The following GOLGA4 variants were observed in gnomAD, a reference collection of about 807,000 sequenced individuals.
The protein encoded by GOLGA4 is golgin subfamily A member 4.
Under a neutral mutation model 265.9 loss-of-function variants are expected in GOLGA4, and 169 were observed. The observed-to-expected ratio is 0.64, with a 90% CI of 0.56 to 0.72. The LOEUF (loss-of-function observed/expected upper bound fraction) is 0.72, where lower values mean the gene tolerates loss of function less well. Among genes scored for constraint, GOLGA4 ranks in the 30% least tolerant of loss-of-function variants. The pLI is 0.00. For missense variants in GOLGA4, 2,482 were observed against 2,483.4 expected (o/e 1.00, Z 0.01); for synonymous variants, 923 against 855.8 (o/e 1.08, Z -1.37).
chr3:37,245,856 G>A (rs1160748781), intron 1 of GOLGA4, among the ~76,000 whole-genome samples: 1 of 152,028 alleles, frequency 6.6e-6, no homozygotes, highest in Admixed American at 6.5e-5. Context: ...GAGCCACTGC[G>A]CCTGGCCATT....
chr3:37,315,730 G>A, intron 11 of GOLGA4, 132 bp downstream of exon 11: 1 of 797,124 alleles, frequency 1.3e-6, no homozygotes, highest in Non-Finnish European at 2.0e-6. Context: ...TATTCAGGTT[G>A]TAAAATTTTT....
chr3:37,286,215 G>A (rs1256539568), intron 4 of GOLGA4, among the ~76,000 whole-genome samples, 154 bp downstream of exon 4: 1 of 136,814 alleles, frequency 7.3e-6, no homozygotes. Flanking sequence ...CTGCAGTGGC[G>A]CAATCTCGGC....
chr3:37,353,357 CA>C (rs1385468338), intron 21 of GOLGA4, among the ~76,000 whole-genome samples: 1 of 152,024 alleles, frequency 6.6e-6, no homozygotes, highest in Admixed American at 6.6e-5. Flanking sequence ...AGCCAAAAAC[CA>C]AGAAACAGTT....
At chr3:37,243,802 C>T in intron 1 of GOLGA4, 180 bp downstream of exon 1, 1 of 592,528 alleles carries the variant, frequency 1.7e-6, no homozygotes. Flanking sequence ...AACTCCTGAC[C>T]TGGATTTTCC....
In GOLGA4 at chr3:37,319,178, A is replaced by G. The variant is rs372045264; in HGVS notation, c.1529A>G (p.Gln510Arg). 84 of 1,608,968 alleles carry G rather than the reference A, an allele frequency of 5.2e-5. No individual in the cohort carries two copies. The highest frequency in any genetic ancestry group is 6.8e-5 in the Non-Finnish European group (80 of 1,177,854). ...LQTREREFQEQMKVALEKSQS... is the reference protein window; with the variant it reads ...LQTREREFQERMKVALEKSQS... Reference sequence around the variant, plus strand: ...ACCCGAGAAAGGGAATTTCAGGAACAAATGAAAGTAGCTCTTGTAAGTGAC... The same window carrying G: ...ACCCGAGAAAGGGAATTTCAGGAACGAATGAAAGTAGCTCTTGTAAGTGAC... The change falls in exon 12 of 24, where the codon CAA becomes CGA. Residue 510 changes from glutamine (Q) to arginine (R), a missense_variant. This residue lies in a region of GOLGA4 where 1,536 missense variants were observed against 1,483.7 expected (regional missense o/e 1.04). Coordinates refer to ENST00000361924, the MANE Select transcript of GOLGA4 (RefSeq NM_002078.5).
At chr3:37,283,641 C>T (rs1014474040) in intron 3 of GOLGA4, among the ~76,000 whole-genome samples, 1 of 152,112 alleles carries the variant, frequency 6.6e-6, no homozygotes, top group African/African-American at 2.4e-5. Context: ...GCCTCAGCCC[C>T]AGCTCCCTCA....
chr3:37,317,011 C>G (rs1430929049), intron 11 of GOLGA4, among the ~76,000 whole-genome samples: 1 of 151,988 alleles, frequency 6.6e-6, no homozygotes, highest in Non-Finnish European at 1.5e-5. Context: ...GGAGATTGTT[C>G]CTTAGCCATT....
At chr3:37,335,492 C>G (rs1381051309) in intron 17 of GOLGA4, among the ~76,000 whole-genome samples, 3 of 152,084 alleles carry the variant, frequency 2.0e-5, no homozygotes, top group African/African-American at 7.2e-5. Flanking sequence ...AACCCTGGAG[C>G]ATAGCTAAAA....
chr3:37,325,768 G>T lies in GOLGA4; in HGVS notation c.3882G>T (p.Gln1294His), dbSNP rs1419865415. The T allele has an allele frequency of 6.2e-7, 1 of 1,613,398 alleles. No individual in the cohort carries two copies. The highest frequency in any genetic ancestry group is 8.5e-7 in the Non-Finnish European group (1 of 1,179,558). Residue 1294 changes from glutamine to histidine, a missense_variant, in exon 14 of 24, where the codon CAG becomes CAT. By Grantham distance (24) the Gln-to-His change is conservative. Around this residue, in one of 3 missense-constraint regions of GOLGA4, gnomAD observed 1,536 missense variants for 1,483.7 expected, o/e 1.04. Coordinates refer to ENST00000361924, the MANE Select transcript of GOLGA4 (RefSeq NM_002078.5). ...EQNTLNISFQ[Q>H]ATHQLEEKEN... ...ATACACTAAATATTTCTTTTCAACA[G>T]GCTACTCATCAGTTAGAAGAAAAAG...
In GOLGA4 at chr3:37,327,835, A is replaced by C. The variant is rs373080758; in HGVS notation, c.5939+10A>C. 14 of 1,579,758 alleles carry C rather than the reference A, an allele frequency of 8.9e-6. No homozygotes were observed. The South Asian group carries it at 1.1e-4, about 13-fold the overall frequency. On this transcript the variant is annotated intron_variant, in intron 14 of 23. Coordinates refer to ENST00000361924, the MANE Select transcript of GOLGA4 (RefSeq NM_002078.5). ...GGGAAGAGAAAATCAAGTAAGTTTT[A>C]TTTCAGCTTGAATATTTTTATGGCA... is the stretch of plus-strand genomic sequence containing the variant.
chr3:37,276,808 T>G (rs1222254018), intron 2 of GOLGA4, among the ~76,000 whole-genome samples: 1 of 152,230 alleles, frequency 6.6e-6, no homozygotes, highest in African/African-American at 2.4e-5. Flanking sequence ...GGTACCTGTT[T>G]CAAAACATAT....
At chr3:37,323,524 T>C (rs1008838111) in intron 13 of GOLGA4, 64 bp from the exon 14 acceptor site, 1 of 907,112 alleles carries the variant, frequency 1.1e-6, no homozygotes, top group Non-Finnish European at 1.7e-6. Flanking sequence ...ACATCATGTC[T>C]GTGTATCATT....
intron 16 of GOLGA4, among the ~76,000 whole-genome samples, chr3:37,332,337 G>A (rs2096993385): frequency 6.6e-6 from 1 of 152,076 alleles, no homozygotes; most frequent in African/African-American, 2.4e-5. Flanking sequence ...AAAGATCGGG[G>A]CAGCGGGGGT....
At chr3:37,284,107 A>G (rs111617215) in intron 3 of GOLGA4, among the ~76,000 whole-genome samples, 2 of 152,290 alleles carry the variant, frequency 1.3e-5, no homozygotes, top group African/African-American at 4.8e-5. Context: ...GTTAGTACCT[A>G]GGATGAAATA....
At chr3:37,305,614 A>G (rs1328915326) in intron 10 of GOLGA4, among the ~76,000 whole-genome samples, 2 of 152,224 alleles carry the variant, frequency 1.3e-5, no homozygotes, top group Non-Finnish European at 2.9e-5. Context: ...GCTCTATTAA[A>G]TATTTGTTTT....
Position 37,327,015 on chromosome 3 carries a change from G to T in GOLGA4, c.5129G>T (p.Arg1710Ile). Residue 1710 changes from arginine (R) to isoleucine (I), a missense_variant, in exon 14 of 24, where the codon AGA becomes ATA. This residue lies in a region of GOLGA4 where 942 missense variants were observed against 983.1 expected (regional missense o/e 0.96). Coordinates refer to ENST00000361924, the MANE Select transcript of GOLGA4 (RefSeq NM_002078.5). ...CAGTCAGAAACATTAATTGTACCCA[G>T]ATCAGCAAAAAATGTGGCAGCATAT... is the stretch of plus-strand genomic sequence containing the variant. ...SSQSETLIVPRSAKNVAAYTE... is the reference protein window; with the variant it reads ...SSQSETLIVPISAKNVAAYTE... 6.2e-7 allele frequency: 1 copy of T among 1,613,886 alleles called. No individual in the cohort carries two copies. Among genetic ancestry groups the T allele is most frequent in the Non-Finnish European group, 8.5e-7 (1 of 1,179,840 alleles).
chr3:37,359,775 C>G (rs2097099733), intron 22 of GOLGA4, among the ~76,000 whole-genome samples: 1 of 152,150 alleles, frequency 6.6e-6, no homozygotes, highest in South Asian at 2.1e-4. Flanking sequence ...TTGCTAGGTA[C>G]AAAAGTTTTC....
At chr3:37,362,829 C>G (rs1267071455) in intron 23 of GOLGA4, among the ~76,000 whole-genome samples, 1 of 128,620 alleles carries the variant, frequency 7.8e-6, no homozygotes, top group African/African-American at 3.0e-5. Context: ...GTCACCCAGG[C>G]TAGAGTGCAG....
chr3:37,316,920 T>G (rs1290630670), intron 11 of GOLGA4, among the ~76,000 whole-genome samples: 1 of 152,044 alleles, frequency 6.6e-6, no homozygotes, highest in African/African-American at 2.4e-5. Flanking sequence ...AAAAATTCAG[T>G]TTTTTCTTTT....
Sources: gnomAD v4.1 joint callset for allele counts (sites outside exome capture counted in the v4.1 genomes callset) on GRCh38, gnomAD v4.1.1 for gene constraint, gnomAD v4.1.1 regional missense constraint, MANE v1.5 for transcripts, NCBI Gene and HGNC (gene_info 2026-07-23, HGNC 2026-07-21) for gene names.